The following BICRAL variants were observed in gnomAD, a reference collection of about 807,000 sequenced individuals.
BICRAL encodes BRD4-interacting chromatin-remodeling complex-associated protein-like.
BICRAL carries 8 observed loss-of-function variants against 91.8 expected under a neutral mutation model. The observed-to-expected ratio is 0.09, with a 90% confidence interval of 0.05 to 0.16. BICRAL has a LOEUF of 0.16. Ranked by LOEUF, BICRAL falls within the 10% of genes least tolerant of loss-of-function variation. The pLI is 1.00. For synonymous variants in BICRAL, 445 were observed against 491.1 expected (o/e 0.91, Z 1.24); for missense variants, 1,038 against 1,310.9 (o/e 0.79, Z 3.21).
chr6:42,747,870 G>C (rs1438206418), intron 1 of BICRAL, among the ~76,000 whole-genome samples: 1 of 148,556 alleles, frequency 6.7e-6, no homozygotes, highest in Non-Finnish European at 1.5e-5. Context: ...GCAATGGCGC[G>C]ATCTCGGCTC....
chr6:42,767,112 ACTGCACTCCAGC>A, intron 1 of BICRAL, among the ~76,000 whole-genome samples: 1 of 152,094 alleles, frequency 6.6e-6, no homozygotes, highest in South Asian at 2.1e-4. Context: ...AGATTGTGCC[ACTGCACTCCAGC>A]CTGGGCGACA....
rs138459421 is a variant in BICRAL, at chr6:42,856,361, T to C, written c.2108+444T>C. Among the ~76,000 whole-genome samples the C allele has an allele frequency of 9.4e-4, 132 of 140,044 alleles. No individual in the cohort carries two copies. In the East Asian group the frequency reaches 0.014, roughly 15 times the overall value. The allele number at this position is 140,044 out of a possible 152,430, so 91.9% of individuals were successfully genotyped here. A position where few individuals can be genotyped will look rare whatever the true frequency, so the allele number is the denominator to read the frequency against. On this transcript the variant is annotated intron_variant, in intron 9 of 12. Coordinates refer to ENST00000314073, the MANE Select transcript of BICRAL (RefSeq NM_001393499.1). The stretch of plus-strand genomic sequence containing the variant: ...TTTGAAAATCTTTTTCTATACTTTC[T>C]TTTCCTTTTTTTTTTTTTTTTTTTT...
chr6:42,747,307 C>T (rs985314355), intron 1 of BICRAL, among the ~76,000 whole-genome samples: 1 of 152,134 alleles, frequency 6.6e-6, no homozygotes, highest in African/African-American at 2.4e-5. Context: ...AGCTCCCGAA[C>T]CTCTTTAACC....
chr6:42,770,777 A>C (rs150193772), intron 1 of BICRAL, among the ~76,000 whole-genome samples: 1,755 of 149,404 alleles, frequency 0.012, 30 homozygotes, highest in African/African-American at 0.041. Context: ...TGTAGCCTCC[A>C]CCTCCCGAGT....
intron 12 of BICRAL, among the ~76,000 whole-genome samples, chr6:42,862,986 G>C (rs1388241123): frequency 6.6e-6 from 1 of 150,982 alleles, no homozygotes; most frequent in African/African-American, 2.4e-5. Flanking sequence ...TTCCACTCTT[G>C]TGTAACAGCA....
Position 42,852,215 on chromosome 6 carries a change from T to A in BICRAL, c.1945+18T>A. The A allele has an allele frequency of 6.9e-7, 1 of 1,443,634 alleles. No individual in the cohort carries two copies. Among genetic ancestry groups the A allele is most frequent in the Non-Finnish European group, 9.8e-7 (1 of 1,024,488 alleles). The allele number at this position is 1,443,634 out of a possible 1,614,324, so 89.4% of individuals were successfully genotyped here. ...ACTGCCAGGTCAGGAGCTTCCTCAG[T>A]TTGTCCCTGTCCTCCCAACACCACG... On this transcript the variant is annotated intron_variant, in intron 7 of 12. Transcript: ENST00000314073.
At chr6:42,862,330 T>C (rs967131649) in intron 11 of BICRAL, among the ~76,000 whole-genome samples, 180 bp from the exon 12 acceptor site, 1 of 152,092 alleles carries the variant, frequency 6.6e-6, no homozygotes, top group African/African-American at 2.4e-5. Flanking sequence ...GGCAGATGCC[T>C]CCAGGGAGAG....
At chr6:42,798,933 A>T (rs952321518) in intron 1 of BICRAL, among the ~76,000 whole-genome samples, 14 of 113,480 alleles carry the variant, frequency 1.2e-4, no homozygotes, top group Non-Finnish European at 2.3e-4. Context: ...TAAAATTTGT[A>T]TTATTTTTTA....
At chr6:42,814,573 G>A (rs1218737074) in intron 2 of BICRAL, among the ~76,000 whole-genome samples, 1 of 137,074 alleles carries the variant, frequency 7.3e-6, no homozygotes, top group Admixed American at 7.9e-5. Flanking sequence ...CCAGGTTGGA[G>A]TTCAGTGGCA....
chr6:42,761,903 CA>C (rs1190062431), intron 1 of BICRAL, among the ~76,000 whole-genome samples: 375 of 132,484 alleles, frequency 2.8e-3, no homozygotes, highest in Middle Eastern at 7.8e-3. Flanking sequence ...GACCTTGTCT[CA>C]AAAAAAAAAA....
At chr6:42,847,856 G>A (rs1332140155) in intron 6 of BICRAL, among the ~76,000 whole-genome samples, 3 of 147,814 alleles carry the variant, frequency 2.0e-5, no homozygotes, top group African/African-American at 2.5e-5. Flanking sequence ...TTTTCTGGGC[G>A]CGGTGGCTCA....
intron 2 of BICRAL, among the ~76,000 whole-genome samples, chr6:42,812,866 C>G (rs1448743699): frequency 6.6e-6 from 1 of 152,098 alleles, no homozygotes; most frequent in Non-Finnish European, 1.5e-5. Context: ...AAAACCCTGT[C>G]TCTACAGAAA....
intron 6 of BICRAL, among the ~76,000 whole-genome samples, chr6:42,843,814 T>G (rs898290096): frequency 3.3e-5 from 5 of 150,996 alleles, no homozygotes; most frequent in African/African-American, 1.2e-4. Flanking sequence ...TTTTTTTTTT[T>G]TTTTGAGACG....
At chr6:42,864,086 G>A (rs1765636369) in intron 12 of BICRAL, among the ~76,000 whole-genome samples, 1 of 151,582 alleles carries the variant, frequency 6.6e-6, no homozygotes, top group African/African-American at 2.4e-5. Context: ...AGAATCGCTT[G>A]AACCGAGGAG....
intron 1 of BICRAL, among the ~76,000 whole-genome samples, chr6:42,773,936 G>T (rs1403345376): frequency 6.6e-6 from 1 of 152,256 alleles, no homozygotes; most frequent in East Asian, 1.9e-4. Context: ...TCAGGGGACA[G>T]AAATTATTTT....
chr6:42,774,635 G>C (rs1383438669), intron 1 of BICRAL, among the ~76,000 whole-genome samples: 1 of 77,388 alleles, frequency 1.3e-5, no homozygotes, highest in Non-Finnish European at 3.1e-5. Flanking sequence ...GAGTATAAGA[G>C]TACCTTTGCA....
intron 7 of BICRAL, chr6:42,852,526 G>A (rs1479305667): frequency 2.4e-6 from 1 of 415,364 alleles, no homozygotes; most frequent in Non-Finnish European, 4.8e-6. Context: ...GCCAGGCATG[G>A]TGGCACACGC....
chr6:42,781,935 C>T (rs1762921774), upstream of BICRAL: 1 of 146,188 alleles, frequency 6.8e-6, no homozygotes, highest in African/African-American at 2.5e-5. Flanking sequence ...CGCCCCGGCC[C>T]GGCGCGGGGG....
intron 2 of BICRAL, among the ~76,000 whole-genome samples, chr6:42,820,444 T>C (rs1396328090): frequency 6.6e-6 from 1 of 152,202 alleles, no homozygotes; most frequent in Non-Finnish European, 1.5e-5. Context: ...AAGCCTATGG[T>C]ATGCTGATGA....
Sources: gnomAD v4.1 joint callset for allele counts (sites outside exome capture counted in the v4.1 genomes callset) on GRCh38, gnomAD v4.1.1 for gene constraint, MANE v1.5 for transcripts, NCBI Gene and HGNC (gene_info 2026-07-23, HGNC 2026-07-21) for gene names.